MAN2B2: variants seen among roughly 807,000 people sequenced by gnomAD.
MAN2B2 encodes mannosidase alpha class 2B member 2.
Under a neutral mutation model 117.1 loss-of-function variants are expected in MAN2B2, and 106 were observed. That is an observed-to-expected ratio of 0.90 (90% confidence interval 0.77 to 1.06). The LOEUF (loss-of-function observed/expected upper bound fraction) is 1.06, where lower values mean the gene tolerates loss of function less well. MAN2B2 is among the 50% of genes least tolerant of loss of function. The probability of loss-of-function intolerance (pLI) is 0.00; values close to 1 mark genes in which losing one functional copy is unlikely to be tolerated. For synonymous variants in MAN2B2, 544 were observed against 595.1 expected, an observed-to-expected ratio of 0.91 and a Z score of 1.25; for missense variants, 1,326 against 1,381.4, an observed-to-expected ratio of 0.96 and a Z score of 0.64.
chr4:6,587,207 C>T (rs1260933497), intron 4 of MAN2B2, 39 bp downstream of exon 4: 3 of 1,595,846 alleles, frequency 1.9e-6, no homozygotes, highest in Non-Finnish European at 2.6e-6. Context: ...CCAGCGACCG[C>T]TCCTCCCTTC....
At chr4:6,586,053 G>GTTTTTTTTTTTTTT (rs759999292) in intron 3 of MAN2B2, among the ~76,000 whole-genome samples, 1 of 143,926 alleles carries the variant, frequency 6.9e-6, no homozygotes, top group African/African-American at 2.6e-5. Flanking sequence ...TTTTCTTGTG[G>GTTTTTTTTTTTTTT]TTTTTTTTTT....
chr4:6,594,772 G>C (rs751570762), intron 7 of MAN2B2, 40 bp downstream of exon 7: 1 of 1,569,566 alleles, frequency 6.4e-7, no homozygotes, highest in South Asian at 1.2e-5. Flanking sequence ...TTTGGTGGCA[G>C]GGAGGGTATA....
At position 6,594,735 on chromosome 4, in the gene MAN2B2, A is replaced by T; in HGVS notation, c.1057+3A>T. 1 of 1,608,108 alleles carries T rather than the reference A, an allele frequency of 6.2e-7. No individual in the cohort carries two copies. The highest frequency in any genetic ancestry group is 1.1e-5 in the South Asian group (1 of 90,438). The stretch of plus-strand genomic sequence containing the variant: ...CGACTTCCTGCCCTATTCCACAGGT[A>T]CAGGCTTCCAGGGGCTGGGGTGGTA... On this transcript the variant is annotated splice_donor_region_variant and intron_variant, in intron 7 of 18. Transcript: ENST00000285599.
intron 3 of MAN2B2, among the ~76,000 whole-genome samples, chr4:6,583,527 A>G (rs1378143112): frequency 6.6e-6 from 1 of 152,208 alleles, no homozygotes; most frequent in Non-Finnish European, 1.5e-5. Context: ...CTGGACGGCC[A>G]GAAAACCTAA....
At chr4:6,617,240 G>A in intron 16 of MAN2B2, 140 bp from the exon 17 acceptor site, 1 of 625,862 alleles carries the variant, frequency 1.6e-6, no homozygotes, top group Non-Finnish European at 2.8e-6. Context: ...GATGAGATTT[G>A]GTTGGGGACA....
At chr4:6,585,722 G>C (rs1393183437) in intron 3 of MAN2B2, among the ~76,000 whole-genome samples, 1 of 152,168 alleles carries the variant, frequency 6.6e-6, no homozygotes, top group Non-Finnish European at 1.5e-5. Context: ...TGCCATCTGG[G>C]AGTCAGGTGG....
rs755808410 is a variant in MAN2B2, at chr4:6,621,626, C to T, written c.*341C>T. 5.2e-5 allele frequency: 10 copies of T among 193,224 alleles called. No individual in the cohort carries two copies. Among genetic ancestry groups the T allele is most frequent in the African/African-American group, 1.9e-4 (8 of 42,712 alleles). The allele number at this position is 193,224 out of a possible 1,614,324, so 12.0% of individuals were successfully genotyped here. ...CAGAGCACAAGACTCACAGCAGCAC[C>T]GAAGCGCATCTGCCGTCCGGGCCCT... On this transcript the variant is annotated 3_prime_UTR_variant, in exon 19 of 19. Coordinates refer to ENST00000285599, the MANE Select transcript of MAN2B2 (RefSeq NM_015274.3).
intron 15 of MAN2B2, among the ~76,000 whole-genome samples, chr4:6,612,673 G>C (rs983338122): frequency 6.6e-6 from 1 of 152,258 alleles, no homozygotes; most frequent in Non-Finnish European, 1.5e-5. Context: ...TCTGCTCCCA[G>C]ACCAGTCAGT....
At chr4:6,595,286 G>A (rs1727036697) in intron 7 of MAN2B2, among the ~76,000 whole-genome samples, 1 of 152,222 alleles carries the variant, frequency 6.6e-6, no homozygotes, top group Non-Finnish European at 1.5e-5. Context: ...TCCAAAGGGG[G>A]ACATTTGTGG....
chr4:6,599,620 A>G (rs536270716), intron 9 of MAN2B2, among the ~76,000 whole-genome samples: 1,592 of 146,836 alleles, frequency 0.011, 15 homozygotes, highest in Non-Finnish European at 0.017. Flanking sequence ...CCGAGATCGC[A>G]CCACTGCACT....
chr4:6,592,537 G>A (rs912225130), intron 5 of MAN2B2, among the ~76,000 whole-genome samples: 7 of 152,224 alleles, frequency 4.6e-5, no homozygotes, highest in Non-Finnish European at 7.3e-5. Context: ...CCGGGAGTTC[G>A]AGGCTGCAGT....
chr4:6,606,700 C>T (rs764623264), intron 11 of MAN2B2, among the ~76,000 whole-genome samples: 36 of 152,220 alleles, frequency 2.4e-4, no homozygotes, highest in Non-Finnish European at 4.9e-4. Context: ...CCTTGCAAAA[C>T]CAGTGCCTGT....
intron 15 of MAN2B2, 115 bp downstream of exon 15, chr4:6,611,393 G>C: frequency 9.3e-7 from 1 of 1,079,070 alleles, no homozygotes; most frequent in East Asian, 2.6e-5. Flanking sequence ...TGGGCAGGAA[G>C]CGACCTCAGG....
At chr4:6,599,713 G>C (rs893057839) in intron 9 of MAN2B2, among the ~76,000 whole-genome samples, 1 of 150,232 alleles carries the variant, frequency 6.7e-6, no homozygotes, top group Non-Finnish European at 1.5e-5. Flanking sequence ...GAGCCACCAT[G>C]CCTGGCTGCC....
At chr4:6,608,639 G>C (rs1016477232) in intron 11 of MAN2B2, among the ~76,000 whole-genome samples, 2 of 152,308 alleles carry the variant, frequency 1.3e-5, no homozygotes, top group Non-Finnish European at 2.9e-5. Context: ...CGGATGCCTC[G>C]GGAGTGGGAT....
rs1726754759 is a variant in MAN2B2 at position 6,589,044 on chromosome 4, G to GGGGCTGCA, written c.566_573dup (p.Phe192GlyfsTer62). 1.9e-6 allele frequency: 3 copies of GGGGCTGCA among 1,612,944 alleles called. No individual in the cohort carries two copies. Among genetic ancestry groups the GGGGCTGCA allele is most frequent in the Non-Finnish European group, 2.5e-6 (3 of 1,179,064 alleles). On this transcript the variant is annotated frameshift_variant and splice_region_variant. Transcript: ENST00000285599. LOFTEE classifies it high-confidence loss of function. ...GCCTCATTCTTCTCCTCGGTTTGCA[G>GGGGCTGCA]GGGCTGCAGTTCGTGTGGCGAGGGT...
At position 6,609,963 on chromosome 4, in the gene MAN2B2, C is replaced by T; in HGVS notation, c.2172C>T (p.Asn724=). The change falls in exon 13 of 19, where the codon AAC becomes AAT. Residue 724 remains asparagine, a synonymous_variant. Transcript: ENST00000285599. ...TCCTGAGGACCAGCACCAACCTAAA[C>T]AGCCAGCAGGTCATCTACTCAGACA... ...EAVLRTSTNL[N]SQQVIYSDNN... is the part of the protein sequence containing the mutation. The T allele has an allele frequency of 6.2e-7, 1 of 1,614,198 alleles. No individual in the cohort carries two copies. Among genetic ancestry groups the T allele is most frequent in the Non-Finnish European group, 8.5e-7 (1 of 1,180,034 alleles).
chr4:6,592,893 C>T (rs1036709326), intron 5 of MAN2B2, among the ~76,000 whole-genome samples: 2 of 152,214 alleles, frequency 1.3e-5, no homozygotes, highest in African/African-American at 2.4e-5. Context: ...AATTGAGGCA[C>T]CCCCATAAAT....
At position 6,598,262 on chromosome 4, in the gene MAN2B2, AC is replaced by A; in HGVS notation, c.1315del (p.Leu439TrpfsTer11). ...SPKVRDMYAT[H>X]LASGMLGMRK... ...AAGGTGAGAGACATGTACGCAACGC[AC>A]CTGGCCTCGGGGATGCTGGGCATGC... On this transcript the variant is annotated frameshift_variant, in exon 9 of 19. Coordinates refer to ENST00000285599, the MANE Select transcript of MAN2B2 (RefSeq NM_015274.3). LOFTEE classifies it high-confidence loss of function. The A allele has an allele frequency of 6.2e-7, 1 of 1,613,718 alleles. No individual in the cohort carries two copies. The highest frequency in any genetic ancestry group is 8.5e-7 in the Non-Finnish European group (1 of 1,180,038).
Sources: allele counts gnomAD v4.1 joint callset (sites outside exome capture counted in the v4.1 genomes callset), GRCh38; gene constraint gnomAD v4.1.1; transcripts MANE v1.5; gene names NCBI Gene and HGNC (gene_info 2026-07-23, HGNC 2026-07-21).